PRKCH: variants seen among roughly 807,000 people sequenced by gnomAD.
PRKCH encodes protein kinase C eta, also known as protein kinase C eta type.
Under a neutral mutation model 82.5 loss-of-function variants are expected in PRKCH, and 28 were observed. The ratio of observed to expected loss-of-function variants is 0.34; its 90% confidence interval spans 0.25 to 0.47. The LOEUF is 0.47. PRKCH is among the 20% of genes least tolerant of loss of function. The pLI is 1.00. For synonymous variants in PRKCH, 322 were observed against 327.4 expected (o/e 0.98, Z 0.18); for missense variants, 705 against 881.8 (o/e 0.80, Z 2.54).
chr14:61,304,398 A>G (rs1213625951), intron 1 of PRKCH: 1 of 152,224 alleles, frequency 6.6e-6, no homozygotes, highest in Non-Finnish European at 1.5e-5. Context: ...TCTGTAGTTT[A>G]GATTTCCCTG....
intron 1 of PRKCH, among the ~76,000 whole-genome samples, chr14:61,309,899 T>C (rs1369741481): frequency 6.6e-6 from 1 of 151,894 alleles, no homozygotes; most frequent in Non-Finnish European, 1.5e-5. Flanking sequence ...CTTACAATCA[T>C]GGCAGAAGGG....
chr14:61,278,875 T>G (rs558880142), intron 1 of PRKCH: 2 of 152,060 alleles, frequency 1.3e-5, no homozygotes, highest in Non-Finnish European at 1.5e-5. Flanking sequence ...TAACATTGAT[T>G]CAAATATGAT....
At chr14:61,492,310 C>T (rs1398278190) in intron 10 of PRKCH, 1 of 152,216 alleles carries the variant, frequency 6.6e-6, no homozygotes, top group East Asian at 1.9e-4. Flanking sequence ...CATCTATTCA[C>T]AGTGAGTTCT....
Position 61,208,399 on chromosome 14 carries a change from ATAAT to A in PRKCH, c.-19+20733_-19+20736del, listed in dbSNP as rs199540044. Among the ~76,000 whole-genome samples, 853 of 152,328 alleles carry A rather than the reference ATAAT, an allele frequency of 5.6e-3. 15 individuals carry two copies. Among genetic ancestry groups the A allele is most frequent in the African/African-American group, 0.019 (792 of 41,576 alleles). On this transcript the variant is annotated intron_variant, in intron 1 of 3. Transcript: ENST00000555185. ...TCAGTCAGTTCTCAGTGACTTTGTA[ATAAT>A]TGTTTAATTTTGAAAGTGTGCTTAA...
intron 1 of PRKCH, among the ~76,000 whole-genome samples, chr14:61,343,569 T>C (rs987014164): frequency 6.6e-6 from 1 of 152,166 alleles, no homozygotes. Flanking sequence ...TTTTTTTTTA[T>C]GTAGCACTTT....
chr14:61,361,669 T>C (rs1315443861), intron 1 of PRKCH, among the ~76,000 whole-genome samples: 1 of 152,120 alleles, frequency 6.6e-6, no homozygotes, highest in African/African-American at 2.4e-5. Context: ...CTTGGACAAA[T>C]TGTTTAAACT....
At chr14:61,542,394 A>G (rs942660746) in intron 12 of PRKCH, among the ~76,000 whole-genome samples, 1 of 152,008 alleles carries the variant, frequency 6.6e-6, no homozygotes, top group Admixed American at 6.5e-5. Flanking sequence ...AAGTTTTCCA[A>G]ATAGGGTTTG....
chr14:61,463,203 T>G lies in PRKCH; in HGVS notation c.1278+5524T>G, dbSNP rs1166567918. ...TCGCTGTGAGGGTCAAATGAGAGAA[T>G]GCAGAATATTTTGTACAGTGCGAAG... On this transcript the variant is annotated intron_variant, in intron 9 of 13. Transcript: ENST00000332981. The G allele has an allele frequency of 2.0e-5, 3 of 152,292 alleles. No homozygotes were observed. The East Asian group carries it at 5.8e-4, about 29-fold the overall frequency. 9.4% of individuals were successfully genotyped at this position (152,292 alleles called of 1,614,324 possible). A position where few individuals can be genotyped will look rare whatever the true frequency, so the allele number is the denominator to read the frequency against.
chr14:61,418,719 A>G lies in PRKCH; in HGVS notation c.428-24392A>G, dbSNP rs372515660. ...TTAGTAAATAGATAGTTCAACAGCA[A>G]TGGTTGAAAAGCCTCTTGGAGTCTG... is the stretch of plus-strand genomic sequence containing the variant. On this transcript the variant is annotated intron_variant, in intron 2 of 13. Coordinates refer to ENST00000332981, the MANE Select transcript of PRKCH (RefSeq NM_006255.5). Among the ~76,000 whole-genome samples, 26 of 152,310 alleles carry G rather than the reference A, an allele frequency of 1.7e-4. No homozygotes were observed. The Middle Eastern group carries it at 0.017, about 100-fold the overall frequency.
chr14:61,330,952 G>A (rs2045776808), intron 1 of PRKCH, among the ~76,000 whole-genome samples: 1 of 13,202 alleles, frequency 7.6e-5, no homozygotes. Flanking sequence ...TAGCTGATGA[G>A]CTCAAAAAAA....
In PRKCH at chr14:61,547,767, C is replaced by T. The variant is rs752329416; in HGVS notation, c.1786C>T (p.Arg596Cys). The T allele has an allele frequency of 5.0e-6, 8 of 1,614,012 alleles. No homozygotes were observed. The highest frequency in any genetic ancestry group is 5.9e-6 in the Non-Finnish European group (7 of 1,179,976). ...GTTCATGACCAAGAACCCCACCATG[C>T]GCTTGGGCAGCCTGACTCAGGGAGG... ...KSFMTKNPTMRLGSLTQGGEH... is the reference protein window; with the variant it reads ...KSFMTKNPTMCLGSLTQGGEH... Residue 596 changes from arginine to cysteine, a missense_variant, in exon 13 of 14, where the codon CGC becomes TGC. Physicochemically the swap from Arg to Cys is radical, Grantham distance 180. This residue lies in a region of PRKCH where 115 missense variants were observed against 193.8 expected (regional missense o/e 0.59). Transcript: ENST00000332981.
intron 1 of PRKCH, among the ~76,000 whole-genome samples, chr14:61,353,010 CA>C (rs1318602302): frequency 6.6e-6 from 1 of 152,168 alleles, no homozygotes; most frequent in Non-Finnish European, 1.5e-5. Flanking sequence ...TGTGGCAAAA[CA>C]TGGATATTCA....
rs79598994 is a variant in PRKCH at position 61,190,054 on chromosome 14, T to A, written c.-19+2386T>A. 4.5e-3 allele frequency among the ~76,000 whole-genome samples: 683 copies of A among 152,332 alleles called. 27 individuals carry two copies. The East Asian group carries it at 0.091, about 20-fold the overall frequency. ...GACCTTGGATAAATCATTTAGCCAT[T>A]CTATGCCTCCACTTCTTTATCTGCA... On this transcript the variant is annotated intron_variant, in intron 1 of 3. Coordinates refer to the PRKCH transcript ENST00000555185.
At chr14:61,487,970 C>G (rs1211460142) in intron 10 of PRKCH, among the ~76,000 whole-genome samples, 1 of 151,958 alleles carries the variant, frequency 6.6e-6, no homozygotes, top group Non-Finnish European at 1.5e-5. Context: ...TGGCTAACAC[C>G]CTGAAACCCT....
intron 12 of PRKCH, among the ~76,000 whole-genome samples, chr14:61,534,647 A>C (rs985816137): frequency 4.6e-5 from 7 of 152,192 alleles, no homozygotes; most frequent in Non-Finnish European, 8.8e-5. Flanking sequence ...AGGCATAAAC[A>C]CAGAATTGTA....
Position 61,235,479 on chromosome 14 carries a change from G to A in PRKCH, c.-19+47811G>A, listed in dbSNP as rs546174602. On this transcript the variant is annotated intron_variant, in intron 1 of 3. Transcript: ENST00000555185. ...AAACAAAGAATTTGCCCCTACCAGCGCTTGAGCTGTGCGGGCTCAGGCAAT... is the reference window on the plus strand; with the variant it reads ...AAACAAAGAATTTGCCCCTACCAGCACTTGAGCTGTGCGGGCTCAGGCAAT... Among the ~76,000 whole-genome samples the A allele has an allele frequency of 2.7e-4, 41 of 152,248 alleles. No homozygotes were observed. In the South Asian group the frequency reaches 5.2e-3, roughly 19 times the overall value.
intron 1 of PRKCH, among the ~76,000 whole-genome samples, chr14:61,240,790 A>C (rs1197848811): frequency 6.6e-6 from 1 of 152,170 alleles, no homozygotes; most frequent in Non-Finnish European, 1.5e-5. Flanking sequence ...TGTTCCTGTG[A>C]GTCAGAGGCC....
At chr14:61,368,562 T>G (rs2046327553) in intron 1 of PRKCH, among the ~76,000 whole-genome samples, 1 of 152,096 alleles carries the variant, frequency 6.6e-6, no homozygotes, top group Non-Finnish European at 1.5e-5. Flanking sequence ...GACTTCATGC[T>G]GTGTGCCTTA....
chr14:61,387,007 T>C (rs932418254), intron 1 of PRKCH, among the ~76,000 whole-genome samples: 6 of 152,184 alleles, frequency 3.9e-5, no homozygotes, highest in Non-Finnish European at 5.9e-5. Flanking sequence ...AGCTGTTCTC[T>C]TTCTGTCCCT....
Sources: allele counts gnomAD v4.1 joint callset (sites outside exome capture counted in the v4.1 genomes callset), GRCh38; gene constraint gnomAD v4.1.1; regional missense constraint gnomAD v4.1.1; transcripts MANE v1.5; gene names NCBI Gene and HGNC (gene_info 2026-07-23, HGNC 2026-07-21).